Variants in PRKN observed in about 807,000 individuals in gnomAD.
PRKN encodes E3 ubiquitin-protein ligase parkin.
A neutral mutation model predicts 59.5 loss-of-function variants in PRKN; 56 were observed. The ratio of observed to expected loss-of-function variants is 0.94; its 90% CI spans 0.76 to 1.18. PRKN has a LOEUF of 1.18. PRKN is among the 50% of genes most tolerant of loss of function. The probability of loss-of-function intolerance (pLI) is 0.00; values close to 1 mark genes in which losing one functional copy is unlikely to be tolerated. For synonymous variants in PRKN, 250 were observed against 222.1 expected (o/e 1.13, Z -1.12); for missense variants, 657 against 596.4 (o/e 1.10, Z -1.06).
At chr6:162,272,796 A>T (rs1583297740) in intron 2 of PRKN, among the ~76,000 whole-genome samples, 1 of 152,004 alleles carries the variant, frequency 6.6e-6, no homozygotes, top group Admixed American at 6.6e-5. Context: ...TCAGGGGTTC[A>T]AGACCAGCCT....
At chr6:162,183,808 C>A (rs186792625) in intron 4 of PRKN, among the ~76,000 whole-genome samples, 8 of 152,292 alleles carry the variant, frequency 5.3e-5, no homozygotes, top group Middle Eastern at 3.4e-3. Flanking sequence ...CCATACACCC[C>A]ATTTATGCAA....
chr6:162,542,832 C>A lies in PRKN; in HGVS notation c.8-99359G>T, dbSNP rs574237628. Among the ~76,000 whole-genome samples the A allele has an allele frequency of 2.0e-5, 3 of 152,282 alleles. No individual in the cohort carries two copies. The South Asian group carries it at 6.2e-4, about 32-fold the overall frequency. On this transcript the variant is annotated intron_variant, in intron 1 of 11. Transcript: ENST00000366898. The stretch of plus-strand genomic sequence containing the variant: ...GCACAGAGCACAGCACTCGCGCAAA[C>A]CCCCAACAGAGGGTAGAGGGTCATC...
At chr6:161,491,079 C>T (rs903880455) in intron 9 of PRKN, among the ~76,000 whole-genome samples, 6 of 152,136 alleles carry the variant, frequency 3.9e-5, no homozygotes, top group Admixed American at 1.3e-4. Flanking sequence ...ACCCAGTCTC[C>T]GGTATTTCTT....
intron 2 of PRKN, among the ~76,000 whole-genome samples, chr6:162,437,470 C>T (rs1248695118): frequency 2.0e-5 from 3 of 152,050 alleles, no homozygotes; most frequent in African/African-American, 7.2e-5. Flanking sequence ...TAACATCTTG[C>T]CAAGCTAGAC....
chr6:161,928,859 T>C lies in PRKN; in HGVS notation c.734+44443A>G, dbSNP rs974756219. ...AAGCCTTTGGAGTTAACATGGGGAC[T>C]CATGAGAGCATTTCTTAAAAACTTG... On this transcript the variant is annotated intron_variant, in intron 6 of 11. Transcript: ENST00000366898. Among the ~76,000 whole-genome samples the C allele has an allele frequency of 3.3e-5, 5 of 152,174 alleles. No homozygotes were observed. The South Asian group carries it at 6.2e-4, about 19-fold the overall frequency.
chr6:162,487,044 TG>T (rs1209053515), intron 1 of PRKN, among the ~76,000 whole-genome samples: 3 of 151,818 alleles, frequency 2.0e-5, no homozygotes, highest in Admixed American at 2.0e-4. Flanking sequence ...CACTCCAGCC[TG>T]GGCAATAGAG....
intron 7 of PRKN, among the ~76,000 whole-genome samples, chr6:161,631,152 G>A (rs1023206052): frequency 1.3e-5 from 2 of 152,204 alleles, no homozygotes; most frequent in Admixed American, 6.5e-5. Flanking sequence ...TAACTCTGCC[G>A]TAGCAGACAG....
chr6:162,478,674 G>A (rs748154291), intron 1 of PRKN, among the ~76,000 whole-genome samples: 2 of 152,112 alleles, frequency 1.3e-5, no homozygotes, highest in African/African-American at 2.4e-5. Context: ...GGAACACCAC[G>A]GAAGGGACTT....
At chr6:161,495,422 C>T (rs73591620) in intron 9 of PRKN, among the ~76,000 whole-genome samples, 2,423 of 152,322 alleles carry the variant, frequency 0.016, 70 homozygotes, top group African/African-American at 0.056. Flanking sequence ...TCACTGGGCA[C>T]GTGTCTGCCA....
chr6:162,480,600 G>A (rs1207155465), intron 1 of PRKN, among the ~76,000 whole-genome samples: 3 of 152,052 alleles, frequency 2.0e-5, no homozygotes, highest in South Asian at 4.2e-4. Flanking sequence ...GCCCACCAGA[G>A]ACCAGCGGAC....
intron 1 of PRKN, among the ~76,000 whole-genome samples, chr6:162,623,399 A>G (rs982346191): frequency 2.6e-5 from 4 of 152,196 alleles, no homozygotes; most frequent in African/African-American, 9.7e-5. Context: ...GCTACATTAA[A>G]CGCTCCAGAA....
In PRKN at chr6:162,307,392, C is replaced by T. The variant is rs1321105480; in HGVS notation, c.172-44627G>A. 1.6e-4 allele frequency among the ~76,000 whole-genome samples: 23 copies of T among 145,280 alleles called. No individual in the cohort carries two copies. In the South Asian group the frequency reaches 3.3e-3, roughly 21 times the overall value. On this transcript the variant is annotated intron_variant, in intron 2 of 11. Coordinates refer to ENST00000366898, the MANE Select transcript of PRKN (RefSeq NM_004562.3). The stretch of plus-strand genomic sequence containing the variant: ...TCCAGCCTGGGCGGCAAAGAGACAC[C>T]GTCTCAATAAAAAAAAAAAAAAAAA...
intron 6 of PRKN, among the ~76,000 whole-genome samples, chr6:161,937,245 A>G (rs1779392551): frequency 6.6e-6 from 1 of 152,240 alleles, no homozygotes; most frequent in Admixed American, 6.5e-5. Context: ...ATCTTGACAG[A>G]GATTATGTTG....
intron 4 of PRKN, among the ~76,000 whole-genome samples, chr6:162,103,878 G>A (rs1225008264): frequency 6.6e-6 from 1 of 152,132 alleles, no homozygotes; most frequent in Non-Finnish European, 1.5e-5. Flanking sequence ...TGAAATCCTG[G>A]GCACTGTTCT....
Position 161,754,420 on chromosome 6 carries a change from G to A in PRKN, c.871+31352C>T, listed in dbSNP as rs575586018. Among the ~76,000 whole-genome samples the A allele has an allele frequency of 2.0e-5, 3 of 152,270 alleles. No individual in the cohort carries two copies. The East Asian group carries it at 5.8e-4, about 30-fold the overall frequency. ...GCAGCAAAAACACGCGGGGCATCCA[G>A]GGAAGTGCACGGGCCATGGCGGAGG... On this transcript the variant is annotated intron_variant, in intron 7 of 11. Transcript: ENST00000366898.
At chr6:161,950,118 G>T (rs1779931836) in intron 6 of PRKN, among the ~76,000 whole-genome samples, 2 of 152,350 alleles carry the variant, frequency 1.3e-5, no homozygotes, top group South Asian at 4.1e-4. Flanking sequence ...GGCAGGCTCT[G>T]ATTAAGGTTT....
chr6:162,363,811 CA>C (rs1238492594), intron 2 of PRKN, among the ~76,000 whole-genome samples: 1 of 152,164 alleles, frequency 6.6e-6, no homozygotes, highest in Non-Finnish European at 1.5e-5. Flanking sequence ...TTGCCAAGAT[CA>C]AAAGGTCCTG....
At position 161,552,486 on chromosome 6, in the gene PRKN, TGA is replaced by T. The variant is rs1562521710; in HGVS notation, c.934-3485_934-3484del. The stretch of plus-strand genomic sequence containing the variant: ...CCTATGACTGTGAATGATCTCACGG[TGA>T]TCCTCCAAGCCCCTCTCCCTCAGCT... On this transcript the variant is annotated intron_variant, in intron 8 of 11. Coordinates refer to ENST00000366898, the MANE Select transcript of PRKN (RefSeq NM_004562.3). This position sits in a 1 kb window ranked among gnomAD's most constrained non-coding sequence, Gnocchi z 4.9. 2.6e-5 allele frequency among the ~76,000 whole-genome samples: 3 copies of T among 113,266 alleles called. No homozygotes were observed. Among genetic ancestry groups the T allele is most frequent in the Middle Eastern group, 8.9e-3 (2 of 224 alleles). 74.3% of individuals were successfully genotyped at this position (113,266 alleles called of 152,430 possible).
chr6:162,114,839 G>T (rs1012071954), intron 4 of PRKN, among the ~76,000 whole-genome samples: 8 of 152,152 alleles, frequency 5.3e-5, no homozygotes, highest in African/African-American at 1.9e-4. Context: ...AAAAAGTCAA[G>T]AAACAACAGG....
Sources: allele counts gnomAD v4.1 joint callset (sites outside exome capture counted in the v4.1 genomes callset), GRCh38; gene constraint gnomAD v4.1.1; non-coding constraint Gnocchi (gnomAD v3.1); transcripts MANE v1.5; gene names NCBI Gene and HGNC (gene_info 2026-07-23, HGNC 2026-07-21).